The following CDH4 variants were observed in gnomAD, a reference collection of about 807,000 sequenced individuals.
The protein encoded by CDH4 is cadherin 4.
CDH4 carries 33 observed loss-of-function variants against 86.0 expected under a neutral mutation model. The ratio of observed to expected loss-of-function variants is 0.38; its 90% CI spans 0.29 to 0.51. The LOEUF (loss-of-function observed/expected upper bound fraction) is 0.51. CDH4 is among the 20% of genes least tolerant of loss of function. The pLI, the probability that CDH4 is intolerant of heterozygous loss-of-function variation, is 0.86. For missense variants in CDH4, 1,114 were observed against 1,307.4 expected (o/e 0.85, Z 2.28); for synonymous variants, 555 against 549.4 (o/e 1.01, Z -0.14).
intron 2 of CDH4, among the ~76,000 whole-genome samples, chr20:61,688,512 C>T (rs903656178): frequency 3.9e-5 from 6 of 152,236 alleles, no homozygotes; most frequent in Admixed American, 6.5e-5. Context: ...AACTCTTGGT[C>T]CCCTGGACCG....
At chr20:61,921,139 C>T (rs573464295) in intron 9 of CDH4, among the ~76,000 whole-genome samples, 6 of 142,870 alleles carry the variant, frequency 4.2e-5, no homozygotes, top group East Asian at 4.3e-4. Context: ...TGTGTGGAAG[C>T]GTGGTGTCAT....
intron 2 of CDH4, among the ~76,000 whole-genome samples, chr20:61,548,231 C>T (rs981050891): frequency 7.2e-5 from 11 of 152,210 alleles, no homozygotes; most frequent in East Asian, 5.8e-4. Context: ...TGTACAGTTC[C>T]GAGCAGACGG....
intron 6 of CDH4, among the ~76,000 whole-genome samples, chr20:61,868,194 G>A (rs1983634304): frequency 6.6e-6 from 1 of 152,224 alleles, no homozygotes; most frequent in Non-Finnish European, 1.5e-5. Context: ...CCCACGGTGG[G>A]GGTGCAGAGG....
intron 2 of CDH4, among the ~76,000 whole-genome samples, chr20:61,515,877 G>A (rs1033269452): frequency 2.0e-5 from 3 of 152,136 alleles, no homozygotes; most frequent in Non-Finnish European, 2.9e-5. Context: ...TTGCTCGCTC[G>A]CTCTCTGTTT....
chr20:61,495,965 G>A (rs1315821560), intron 2 of CDH4, among the ~76,000 whole-genome samples: 1 of 151,562 alleles, frequency 6.6e-6, no homozygotes, highest in African/African-American at 2.4e-5. Flanking sequence ...CAGGAGAGAG[G>A]AAGGGAAGGT....
chr20:61,865,462 G>A (rs767009451), intron 6 of CDH4, among the ~76,000 whole-genome samples: 3 of 151,460 alleles, frequency 2.0e-5, no homozygotes, highest in Non-Finnish European at 2.9e-5. Flanking sequence ...TTAGTTTCCT[G>A]TACTGGTTAG....
chr20:61,674,427 G>C lies in CDH4; in HGVS notation c.170-69136G>C, dbSNP rs537226266. Among the ~76,000 whole-genome samples the C allele has an allele frequency of 2.6e-5, 4 of 152,304 alleles. No homozygotes were observed. In the East Asian group the frequency reaches 7.7e-4, roughly 29 times the overall value. Reference sequence around the variant, plus strand: ...GAAGGCTGGGAGTGACAGGCAGCAGGCCTTTCGTGCAGACAATGGGAAGGA... The same window carrying C: ...GAAGGCTGGGAGTGACAGGCAGCAGCCCTTTCGTGCAGACAATGGGAAGGA... On this transcript the variant is annotated intron_variant, in intron 2 of 15. Coordinates refer to ENST00000614565, the MANE Select transcript of CDH4 (RefSeq NM_001794.5).
chr20:61,871,093 G>A (rs182410937), intron 6 of CDH4, among the ~76,000 whole-genome samples: 5 of 152,140 alleles, frequency 3.3e-5, no homozygotes, highest in South Asian at 4.2e-4. Context: ...GACAGAGACA[G>A]AGCTCCTCAT....
chr20:61,740,822 T>C (rs6061784), intron 2 of CDH4: 93,473 of 152,208 alleles, frequency 0.61, 30,283 homozygotes, highest in African/African-American at 0.82. Flanking sequence ...ATGGTTAGAC[T>C]GAAACAGGAT....
At chr20:61,812,563 T>C (rs1182820006) in intron 4 of CDH4, among the ~76,000 whole-genome samples, 5 of 152,076 alleles carry the variant, frequency 3.3e-5, no homozygotes, top group Non-Finnish European at 7.4e-5. Flanking sequence ...TGGTCTGTAT[T>C]TTCAGTCAAA....
intron 2 of CDH4, among the ~76,000 whole-genome samples, chr20:61,675,991 C>T (rs2087440935): frequency 6.6e-6 from 1 of 152,252 alleles, no homozygotes; most frequent in African/African-American, 2.4e-5. Flanking sequence ...CTGCCCAGAG[C>T]ACAGGCTCAG....
At chr20:61,506,383 T>C (rs1371893481) in intron 2 of CDH4, among the ~76,000 whole-genome samples, 3 of 152,252 alleles carry the variant, frequency 2.0e-5, no homozygotes, top group African/African-American at 7.2e-5. Flanking sequence ...TCAGTTCACA[T>C]TTCCTACCAT....
intron 2 of CDH4, among the ~76,000 whole-genome samples, chr20:61,658,115 T>C (rs1282331851): frequency 6.6e-6 from 1 of 152,122 alleles, no homozygotes; most frequent in Non-Finnish European, 1.5e-5. Context: ...AAGATCTGGC[T>C]GCGCTGTTGG....
intron 2 of CDH4, among the ~76,000 whole-genome samples, chr20:61,654,068 G>T: frequency 6.6e-6 from 1 of 152,022 alleles, no homozygotes; most frequent in East Asian, 1.9e-4. Context: ...GGAGGCCAAG[G>T]CAGGCGGCTG....
Position 61,554,025 on chromosome 20 carries a change from C to T in CDH4, c.170-189538C>T, listed in dbSNP as rs189058379. On this transcript the variant is annotated intron_variant, in intron 2 of 15. Coordinates refer to ENST00000614565, the MANE Select transcript of CDH4 (RefSeq NM_001794.5). ...TTCCATCTGCTCTGAGGAGCACCCA[C>T]GGTTCAGAGCAGGACTCCCCAGGGC... Among the ~76,000 whole-genome samples the T allele has an allele frequency of 3.1e-3, 474 of 152,326 alleles. 3 individuals are homozygous for T. Among genetic ancestry groups the T allele is most frequent in the Admixed American group, 0.015 (230 of 15,308 alleles).
chr20:61,312,481 G>A (rs373592403), intron 2 of CDH4, among the ~76,000 whole-genome samples: 37 of 152,234 alleles, frequency 2.4e-4, no homozygotes, highest in East Asian at 1.9e-3. Context: ...GGCAGAGTGA[G>A]GAGCCGCCAG....
At chr20:61,634,642 A>G (rs1280568950) in intron 2 of CDH4, among the ~76,000 whole-genome samples, 1 of 152,144 alleles carries the variant, frequency 6.6e-6, no homozygotes, top group Non-Finnish European at 1.5e-5. Flanking sequence ...CGTTGCTGGG[A>G]GCTTTTTTCC....
intron 2 of CDH4, among the ~76,000 whole-genome samples, chr20:61,339,625 A>C (rs1463663794): frequency 6.6e-6 from 1 of 152,182 alleles, no homozygotes; most frequent in East Asian, 1.9e-4. Context: ...GATAAAAATC[A>C]GGGTCATGCA....
intron 2 of CDH4, among the ~76,000 whole-genome samples, chr20:61,422,424 CAA>C (rs869235928): frequency 9.0e-5 from 2 of 22,262 alleles, no homozygotes; most frequent in Non-Finnish European, 8.1e-5. Flanking sequence ...AACTCCGTCT[CAA>C]AAAAAAAAAA....
Sources: gnomAD v4.1 joint callset for allele counts (sites outside exome capture counted in the v4.1 genomes callset) on GRCh38, gnomAD v4.1.1 for gene constraint, MANE v1.5 for transcripts, NCBI Gene and HGNC (gene_info 2026-07-23, HGNC 2026-07-21) for gene names.